The following MOCOS variants were observed in gnomAD, a reference collection of about 807,000 sequenced individuals.
MOCOS encodes the protein molybdenum cofactor sulfurase, also known as human molybdenum cofactor sulfurase.
In MOCOS, 86 loss-of-function variants were observed where a neutral mutation model predicts 83.6. The observed-to-expected ratio is 1.03, with a 90% CI of 0.86 to 1.23. The LOEUF (loss-of-function observed/expected upper bound fraction) is 1.23. Ranked by LOEUF, MOCOS falls within the 50% of genes most tolerant of loss-of-function variation. The pLI, the probability that MOCOS is intolerant of heterozygous loss-of-function variation, is 0.00. For missense variants in MOCOS, 1,120 were observed against 1,126.9 expected (o/e 0.99, Z 0.09); for synonymous variants, 445 against 434.7 (o/e 1.02, Z -0.29).
intron 8 of MOCOS, among the ~76,000 whole-genome samples, chr18:36,216,317 T>C (rs2091476267): frequency 6.6e-6 from 1 of 152,228 alleles, no homozygotes; most frequent in Non-Finnish European, 1.5e-5. Flanking sequence ...ATGAGGTAGA[T>C]AGTAATATTA....
intron 1 of MOCOS, among the ~76,000 whole-genome samples, chr18:36,188,470 G>A (rs1277974670): frequency 1.3e-5 from 2 of 152,198 alleles, no homozygotes; most frequent in Admixed American, 6.5e-5. Context: ...GCCCAAGTTC[G>A]TGACTCATCC....
intron 5 of MOCOS, 64 bp downstream of exon 5, chr18:36,203,253 C>T: frequency 1.4e-6 from 2 of 1,445,088 alleles, no homozygotes; most frequent in South Asian, 1.1e-5. Flanking sequence ...AGCTCTGGCA[C>T]AGGTGTGATT....
intron 9 of MOCOS, among the ~76,000 whole-genome samples, chr18:36,239,955 G>A (rs919682963): frequency 4.7e-5 from 7 of 147,806 alleles, no homozygotes; most frequent in Admixed American, 2.0e-4. Flanking sequence ...CATTCTTCGT[G>A]TAGTTCTCGA....
intron 3 of MOCOS, 71 bp from the exon 4 acceptor site, chr18:36,199,612 T>C (rs1366305483): frequency 1.2e-6 from 2 of 1,603,866 alleles, no homozygotes; most frequent in Non-Finnish European, 1.7e-6. Context: ...TTAATAGAAA[T>C]AAAACAGCCT....
intron 9 of MOCOS, among the ~76,000 whole-genome samples, chr18:36,227,836 T>A (rs1262761793): frequency 2.6e-5 from 4 of 152,038 alleles, no homozygotes; most frequent in Non-Finnish European, 5.9e-5. Context: ...AATTGACAAA[T>A]GGGATATAAT....
At chr18:36,254,022 GGCCTTGGTGGA>G (rs984846833) in intron 11 of MOCOS, among the ~76,000 whole-genome samples, 13 of 152,158 alleles carry the variant, frequency 8.5e-5, no homozygotes, top group African/African-American at 3.1e-4. Context: ...TGGGAGATGG[GGCCTTGGTGGA>G]ACAAAGGTGG....
At chr18:36,210,088 G>T (rs1420322218) in intron 6 of MOCOS, among the ~76,000 whole-genome samples, 1 of 152,092 alleles carries the variant, frequency 6.6e-6, no homozygotes, top group African/African-American at 2.4e-5. Context: ...ATAGGTATTG[G>T]CCTGAAGTTT....
At chr18:36,225,441 T>G (rs1339031663) in intron 9 of MOCOS, among the ~76,000 whole-genome samples, 1 of 152,228 alleles carries the variant, frequency 6.6e-6, no homozygotes, top group Non-Finnish European at 1.5e-5. Context: ...TGAGCCACTG[T>G]GCCCGGCAAG....
chr18:36,249,047 G>C, intron 10 of MOCOS, 47 bp downstream of exon 10: 1 of 1,513,538 alleles, frequency 6.6e-7, no homozygotes. Flanking sequence ...TGACAGGCTG[G>C]CACAGAGGGG....
intron 6 of MOCOS, among the ~76,000 whole-genome samples, chr18:36,207,561 T>C (rs969864642): frequency 7.4e-6 from 1 of 134,374 alleles, no homozygotes; most frequent in African/African-American, 2.8e-5. Context: ...ATGTCGAACA[T>C]TTTTTTCATA....
intron 1 of MOCOS, among the ~76,000 whole-genome samples, chr18:36,191,534 C>T (rs1191690742): frequency 3.3e-5 from 5 of 152,218 alleles, no homozygotes; most frequent in African/African-American, 1.2e-4. Flanking sequence ...GCCTTGACCT[C>T]TTGGGCTTAA....
intron 11 of MOCOS, among the ~76,000 whole-genome samples, chr18:36,254,198 G>C (rs2091632471): frequency 6.6e-6 from 1 of 152,112 alleles, no homozygotes; most frequent in South Asian, 2.1e-4. Context: ...CAGTTTTTTT[G>C]AGTTGGTATA....
In MOCOS at chr18:36,271,608, T is replaced by C. The variant is rs1598599997; in HGVS notation, c.*2923T>C. The C allele has an allele frequency of 6.6e-6, 1 of 152,228 alleles. No individual in the cohort carries two copies. Among genetic ancestry groups the C allele is most frequent in the East Asian group, 1.9e-4 (1 of 5,198 alleles). 9.4% of individuals were successfully genotyped at this position (152,228 alleles called of 1,614,324 possible). ...ATGTCATGTCCCTTGAATTTAATTC[T>C]AACACCAAACCTTGGTGTTAGAGTC... is the stretch of plus-strand genomic sequence containing the variant. On this transcript the variant is annotated 3_prime_UTR_variant, in exon 15 of 15. Coordinates refer to ENST00000261326, the MANE Select transcript of MOCOS (RefSeq NM_017947.4).
chr18:36,200,411 T>G (rs777668798), intron 4 of MOCOS, 87 bp downstream of exon 4: 36 of 1,537,454 alleles, frequency 2.3e-5, no homozygotes, highest in Non-Finnish European at 2.8e-5. Context: ...AAGAGGTGGG[T>G]CTGGCTTTGA....
Position 36,200,273 on chromosome 18 carries a change from C to T in MOCOS, c.890C>T (p.Ala297Val), listed in dbSNP as rs139002197. Residue 297 changes from alanine (A) to valine (V), a missense_variant, in exon 4 of 15, where the codon GCG becomes GTG. Ala to Val is a moderately conservative substitution (Grantham distance 64, BLOSUM62 0). Coordinates refer to ENST00000261326, the MANE Select transcript of MOCOS (RefSeq NM_017947.4). ...KTYFGGGTAS[A>V]YLAGEDFYIP... is the part of the protein sequence containing the mutation. ...TACTTTGGAGGAGGGACAGCCTCTG[C>T]GTACCTAGCAGGAGAAGACTTCTAC... 523 of 1,614,072 alleles carry T rather than the reference C, an allele frequency of 3.2e-4. 3 individuals carry two copies. In the African/African-American group the frequency reaches 5.7e-3, roughly 17 times the overall value.
At position 36,203,144 on chromosome 18, in the gene MOCOS, G is replaced by A. The variant is rs758920660; in HGVS notation, c.973G>A (p.Val325Ile). The change falls in exon 5 of 15, where the codon GTT becomes ATT. Residue 325 changes from valine to isoleucine, a missense_variant. Transcript: ENST00000261326. Reference protein sequence around the residue: ...FEDGTISFLDVIALKHGFDTL... With the variant: ...FEDGTISFLDIIALKHGFDTL... Reference sequence around the variant, plus strand: ...AGATGGCACCATCTCATTCCTTGATGTTATCGCGCTAAAACATGGATTTGA... The same window carrying A: ...AGATGGCACCATCTCATTCCTTGATATTATCGCGCTAAAACATGGATTTGA... 1.2e-6 allele frequency: 2 copies of A among 1,614,160 alleles called. No individual in the cohort carries two copies. Among genetic ancestry groups the A allele is most frequent in the Admixed American group, 1.7e-5 (1 of 60,028 alleles).
chr18:36,262,276 C>CACACACACACACACACACACAT (rs1555656486), intron 13 of MOCOS, among the ~76,000 whole-genome samples: 1 of 151,108 alleles, frequency 6.6e-6, no homozygotes, highest in East Asian at 1.9e-4. Flanking sequence ...CACACACACA[C>CACACACACACACACACACACAT]GAAAAATTAG....
At chr18:36,242,007 C>G (rs781381059) in intron 9 of MOCOS, among the ~76,000 whole-genome samples, 2 of 152,210 alleles carry the variant, frequency 1.3e-5, no homozygotes. Flanking sequence ...GCCTCCGGGC[C>G]GTGATGAGAA....
In MOCOS at chr18:36,187,663, G is replaced by T. The variant is rs1228892857; in HGVS notation, c.124G>T (p.Glu42Ter). ...PGSLRELRAR[E>*]FSRLAGTVYL... ...CAGCCTGCGCGAGCTGCGGGCGCGC[G>T]AGTTCAGCCGCCTGGCAGGTGAGGC... Residue 42 changes from glutamate to a stop codon, truncating the protein, a stop_gained, in exon 1 of 15, where the codon GAG (glutamate) becomes TAG (stop). Coordinates refer to ENST00000261326, the MANE Select transcript of MOCOS (RefSeq NM_017947.4). LOFTEE classifies it high-confidence loss of function. The T allele has an allele frequency of 2.6e-5, 33 of 1,259,738 alleles. No individual in the cohort carries two copies. Among genetic ancestry groups the T allele is most frequent in the Non-Finnish European group, 3.1e-5 (31 of 1,002,586 alleles). 78.0% of individuals were successfully genotyped at this position (1,259,738 alleles called of 1,614,324 possible). A position where few individuals can be genotyped will look rare whatever the true frequency, so the allele number is the denominator to read the frequency against.
Sources: allele counts gnomAD v4.1 joint callset (sites outside exome capture counted in the v4.1 genomes callset), GRCh38; gene constraint gnomAD v4.1.1; transcripts MANE v1.5; gene names NCBI Gene and HGNC (gene_info 2026-07-23, HGNC 2026-07-21).